Variants in RITA1 observed in about 807,000 individuals in gnomAD.
The protein encoded by RITA1 is RBPJ-interacting and tubulin-associated protein 1.
A neutral mutation model predicts 8.7 loss-of-function variants in RITA1; 15 were observed. That is an observed-to-expected ratio of 1.72 (90% CI 1.15 to 2.65). RITA1 has a LOEUF of 2.65. Ranked by LOEUF, RITA1 falls within the 30% of genes most tolerant of loss-of-function variation. The pLI is 0.00. For synonymous variants in RITA1, 145 were observed against 156.2 expected, an observed-to-expected ratio of 0.93 and a Z score of 0.53; for missense variants, 330 against 363.8, an observed-to-expected ratio of 0.91 and a Z score of 0.76.
In RITA1 at chr12:113,185,889, G is replaced by T; in HGVS notation, c.-329G>T. ...GGGGGTCCGGGGCCCCAGGCATTCC[G>T]GGCTGCAGATTGACGGGGATCCCGG... On this transcript the variant is annotated 5_prime_UTR_variant, in exon 1 of 4. Coordinates refer to ENST00000548278, the MANE Select transcript of RITA1 (RefSeq NM_032848.3). 7.1e-7 allele frequency: 1 copy of T among 1,403,562 alleles called. No individual in the cohort carries two copies. Among genetic ancestry groups the T allele is most frequent in the South Asian group, 1.3e-5 (1 of 77,340 alleles). 86.9% of individuals were successfully genotyped at this position (1,403,562 alleles called of 1,614,324 possible). A position where few individuals can be genotyped will look rare whatever the true frequency, so the allele number is the denominator to read the frequency against.
At chr12:113,187,089 C>G in intron 3 of RITA1, 41 bp downstream of exon 3, 1 of 1,482,448 alleles carries the variant, frequency 6.7e-7, no homozygotes, top group Non-Finnish European at 9.0e-7. Flanking sequence ...CTCAGTGCAG[C>G]CACCTGGATT....
At chr12:113,190,685 G>T (rs1210655986) in intron 3 of RITA1, among the ~76,000 whole-genome samples, 1 of 152,154 alleles carries the variant, frequency 6.6e-6, no homozygotes, top group Non-Finnish European at 1.5e-5. Flanking sequence ...AAAGACTAAG[G>T]TTATACTAAT....
rs1952598102 is a variant in RITA1 at position 113,191,322 on chromosome 12, C to T, written c.315C>T (p.His105=). The change falls in exon 4 of 4, where the codon CAC becomes CAT. Residue 105 remains histidine (H), a synonymous_variant. Coordinates refer to ENST00000548278, the MANE Select transcript of RITA1 (RefSeq NM_032848.3). The surrounding 1 kb of genome is among the most constrained non-coding windows in gnomAD (Gnocchi z 4.0). ...RKKNKYRPIS[H]TPSYCDESLF... Reference sequence around the variant, plus strand: ...TTCCATTTGCCAGACCCATCAGCCACACCCCGTCTTACTGTGATGAGTCGC... The same window carrying T: ...TTCCATTTGCCAGACCCATCAGCCATACCCCGTCTTACTGTGATGAGTCGC... 1 of 1,527,156 alleles carries T rather than the reference C, an allele frequency of 6.5e-7. No homozygotes were observed. Among genetic ancestry groups the T allele is most frequent in the South Asian group, 1.3e-5 (1 of 78,324 alleles). The allele number at this position is 1,527,156 out of a possible 1,614,324, so 94.6% of individuals were successfully genotyped here.
chr12:113,187,145 C>G, intron 3 of RITA1, 97 bp downstream of exon 3: 1 of 1,289,858 alleles, frequency 7.8e-7, no homozygotes, highest in Non-Finnish European at 1.0e-6. Flanking sequence ...CTTGGGCAAG[C>G]ATCTTGACCT....
intron 3 of RITA1, among the ~76,000 whole-genome samples, chr12:113,190,398 CA>C (rs1952588227): frequency 6.6e-6 from 1 of 152,018 alleles, no homozygotes; most frequent in Non-Finnish European, 1.5e-5. Context: ...GCAATCCTAA[CA>C]CTTTGAGAGG....
chr12:113,186,807 TGCC>T lies in RITA1; in HGVS notation c.63_65del (p.Cys21_Arg22delinsTer). 1 of 1,613,816 alleles carries T rather than the reference TGCC, an allele frequency of 6.2e-7. No homozygotes were observed. Among genetic ancestry groups the T allele is most frequent in the Non-Finnish European group, 8.5e-7 (1 of 1,179,996 alleles). ...GCAGACCCTCGGCCTTCAGCACCGC[TGCC>T]GAGGTGGCTACCGGGTCAAGGCCAG... is the stretch of plus-strand genomic sequence containing the variant. On this transcript the variant is annotated stop_gained and inframe_deletion, in exon 3 of 4. Transcript: ENST00000548278. LOFTEE classifies it high-confidence loss of function.
rs546604352 is a variant in RITA1 at position 113,187,621 on chromosome 12, G to A, written c.302+573G>A. Among the ~76,000 whole-genome samples, 7 of 152,020 alleles carry A rather than the reference G, an allele frequency of 4.6e-5. No individual in the cohort carries two copies. The East Asian group carries it at 1.4e-3, about 29-fold the overall frequency. ...AAAAATGCAAAAATTAGCCAAGTGT[G>A]GTGGTGTGCGCCTGTACTCCCAGCT... is the stretch of plus-strand genomic sequence containing the variant. On this transcript the variant is annotated intron_variant, in intron 3 of 3. Transcript: ENST00000548278.
At chr12:113,186,604 T>G (rs1200576136) in intron 2 of RITA1, 79 bp from the exon 3 acceptor site, 3 of 1,447,692 alleles carry the variant, frequency 2.1e-6, no homozygotes, top group Non-Finnish European at 1.8e-6. Context: ...ACCCTTGGGA[T>G]GAGAACTTCA....
At chr12:113,187,109 G>C in intron 3 of RITA1, 61 bp downstream of exon 3, 4 of 1,458,210 alleles carry the variant, frequency 2.7e-6, no homozygotes, top group Non-Finnish European at 3.7e-6. Flanking sequence ...TCCAGTTACA[G>C]CTCTGGTGTT....
Position 113,191,189 on chromosome 12 carries a change from C to A in RITA1, c.303-121C>A. ...TAGGTTTCAGACTGGGAGACAAGGA[C>A]TCCTGGGATCTGCAGGCAACCCTCC... On this transcript the variant is annotated intron_variant, in intron 3 of 3. Transcript: ENST00000548278. This position sits in a 1 kb window ranked among gnomAD's most constrained non-coding sequence, Gnocchi z 4.0. The A allele has an allele frequency of 7.7e-7, 1 of 1,303,694 alleles. No individual in the cohort carries two copies. The highest frequency in any genetic ancestry group is 1.0e-6 in the Non-Finnish European group (1 of 974,314). The allele number at this position is 1,303,694 out of a possible 1,614,324, so 80.8% of individuals were successfully genotyped here.
chr12:113,189,990 T>C (rs1384779092), intron 3 of RITA1, among the ~76,000 whole-genome samples: 3 of 146,922 alleles, frequency 2.0e-5, no homozygotes, highest in Non-Finnish European at 4.5e-5. Flanking sequence ...CGAGCGTCAC[T>C]GCACTCCAGC....
Position 113,191,539 on chromosome 12 carries a change from G to A in RITA1, c.532G>A (p.Ala178Thr). 1 of 1,613,378 alleles carries A rather than the reference G, an allele frequency of 6.2e-7. No homozygotes were observed. ...GPSKTEPGPAADSQKLSMGGL... is the reference protein window; with the variant it reads ...GPSKTEPGPATDSQKLSMGGL... ...CTCCAAGACAGAGCCGGGGCCAGCG[G>A]CAGACTCCCAGAAGTTATCTATGGG... The change falls in exon 4 of 4, where the codon GCA becomes ACA. Residue 178 changes from alanine to threonine, a missense_variant. Transcript: ENST00000548278. This position sits in a 1 kb window ranked among gnomAD's most constrained non-coding sequence, Gnocchi z 4.0.
chr12:113,186,591 TA>T, intron 2 of RITA1, 91 bp from the exon 3 acceptor site: 1 of 1,437,752 alleles, frequency 7.0e-7, no homozygotes, highest in East Asian at 2.5e-5. Context: ...GAGAGAGAAC[TA>T]AACCCTTGGG....
In RITA1 at chr12:113,186,250, C is replaced by T; in HGVS notation, c.-131C>T. ...TTGTGATCCGTAAAATGGACAAATT[C>T]GAAGCTACTTCACAGTGCTGTTGAG... On this transcript the variant is annotated 5_prime_UTR_variant, in exon 2 of 4. Transcript: ENST00000548278. 1 of 1,399,602 alleles carries T rather than the reference C, an allele frequency of 7.1e-7. No individual in the cohort carries two copies. 86.7% of individuals were successfully genotyped at this position (1,399,602 alleles called of 1,614,324 possible).
rs1952544891 is a variant in RITA1, at chr12:113,186,919, A to G, written c.173A>G (p.Glu58Gly). Residue 58 changes from glutamate to glycine, a missense_variant, in exon 3 of 4, where the codon GAG becomes GGG. Glu to Gly is a moderately conservative substitution (Grantham distance 98, BLOSUM62 -2). Coordinates refer to ENST00000548278, the MANE Select transcript of RITA1 (RefSeq NM_032848.3). ...TPPDFDPPWVEKANRTRGVGK... is the reference protein window; with the variant it reads ...TPPDFDPPWVGKANRTRGVGK... ...CCGGACTTCGATCCGCCCTGGGTGG[A>G]GAAGGCTAACAGAACCAGAGGCGTG... 1 of 1,614,130 alleles carries G rather than the reference A, an allele frequency of 6.2e-7. No individual in the cohort carries two copies.
At position 113,185,922 on chromosome 12, in the gene RITA1, G is replaced by T. The variant is rs1952530495; in HGVS notation, c.-296G>T. On this transcript the variant is annotated 5_prime_UTR_variant, in exon 1 of 4. Coordinates refer to ENST00000548278, the MANE Select transcript of RITA1 (RefSeq NM_032848.3). ...GATTGACGGGGATCCCGGATGCACC[G>T]CGCGCCCCCGCGCCCTCACCGACGG... 2 of 1,496,034 alleles carry T rather than the reference G, an allele frequency of 1.3e-6. No individual in the cohort carries two copies. Among genetic ancestry groups the T allele is most frequent in the African/African-American group, 1.4e-5 (1 of 72,144 alleles). 92.7% of individuals were successfully genotyped at this position (1,496,034 alleles called of 1,614,324 possible).
At position 113,189,950 on chromosome 12, in the gene RITA1, T is replaced by C. The variant is rs539901845; in HGVS notation, c.303-1360T>C. On this transcript the variant is annotated intron_variant, in intron 3 of 3. Coordinates refer to ENST00000548278, the MANE Select transcript of RITA1 (RefSeq NM_032848.3). ...TACTCTGGAGGCTGAAGTGGGAGGA[T>C]TACTTGAGCTCAGGAGTTCGCAGCT... 1.2e-3 allele frequency among the ~76,000 whole-genome samples: 181 copies of C among 150,806 alleles called. 1 individual carries two copies. Among genetic ancestry groups the C allele is most frequent in the African/African-American group, 4.3e-3 (176 of 41,034 alleles).
In RITA1 at chr12:113,185,952, A is replaced by C. The variant is rs945769500; in HGVS notation, c.-266A>C. On this transcript the variant is annotated 5_prime_UTR_variant, in exon 1 of 4. Coordinates refer to ENST00000548278, the MANE Select transcript of RITA1 (RefSeq NM_032848.3). The stretch of plus-strand genomic sequence containing the variant: ...CCCCCGCGCCCTCACCGACGGGTCC[A>C]GACCTGGTGGGAAGAAGGTGCGGGG... 3.3e-6 allele frequency: 5 copies of C among 1,534,646 alleles called. No homozygotes were observed. The Admixed American group carries it at 7.9e-5, about 24-fold the overall frequency.
chr12:113,191,306 C>G lies in RITA1; in HGVS notation c.303-4C>G. The G allele has an allele frequency of 6.6e-7, 1 of 1,512,298 alleles. No homozygotes were observed. The highest frequency in any genetic ancestry group is 8.9e-7 in the Non-Finnish European group (1 of 1,129,618). The allele number at this position is 1,512,298 out of a possible 1,614,324, so 93.7% of individuals were successfully genotyped here. On this transcript the variant is annotated splice_region_variant and splice_polypyrimidine_tract_variant and intron_variant, in intron 3 of 3. Transcript: ENST00000548278. The surrounding 1 kb of genome is among the most constrained non-coding windows in gnomAD (Gnocchi z 4.0). Reference sequence around the variant, plus strand: ...GCTCATGGCGTTTATCTTCCATTTGCCAGACCCATCAGCCACACCCCGTCT... The same window carrying G: ...GCTCATGGCGTTTATCTTCCATTTGGCAGACCCATCAGCCACACCCCGTCT...
Sources: gnomAD v4.1 joint callset for allele counts (sites outside exome capture counted in the v4.1 genomes callset) on GRCh38, gnomAD v4.1.1 for gene constraint, Gnocchi (gnomAD v3.1) non-coding constraint, MANE v1.5 for transcripts, NCBI Gene and HGNC (gene_info 2026-07-23, HGNC 2026-07-21) for gene names.